Variants in LNX1 observed in about 807,000 individuals in gnomAD.
LNX1 encodes the protein E3 ubiquitin-protein ligase LNX.
Under a neutral mutation model 68.4 loss-of-function variants are expected in LNX1, and 54 were observed. That is an observed-to-expected ratio of 0.79 (90% confidence interval 0.63 to 0.99). The LOEUF (loss-of-function observed/expected upper bound fraction) is 0.99. Among genes scored for constraint, LNX1 ranks in the 50% least tolerant of loss-of-function variants. The pLI, the probability that LNX1 is intolerant of heterozygous loss-of-function variation, is 0.00. For missense variants in LNX1, 906 were observed against 926.4 expected, an observed-to-expected ratio of 0.98 and a Z score of 0.29; for synonymous variants, 336 against 350.0, an observed-to-expected ratio of 0.96 and a Z score of 0.45.
At chr4:53,489,966 T>G (rs541814345) in intron 6 of LNX1, among the ~76,000 whole-genome samples, 1 of 152,264 alleles carries the variant, frequency 6.6e-6, no homozygotes, top group South Asian at 2.1e-4. Context: ...CTTGAATGTT[T>G]ACAGTACCAC....
intron 2 of LNX1, among the ~76,000 whole-genome samples, chr4:53,509,828 G>A (rs988879148): frequency 4.6e-5 from 7 of 152,186 alleles, no homozygotes; most frequent in African/African-American, 9.7e-5. Context: ...TCATGATGCA[G>A]ACGTCACCAT....
intron 1 of LNX1, among the ~76,000 whole-genome samples, chr4:53,649,830 G>A (rs558525720): frequency 6.6e-6 from 1 of 152,250 alleles, no homozygotes; most frequent in Non-Finnish European, 1.5e-5. Flanking sequence ...TTCCCACAGT[G>A]GACTGGGAGT....
At chr4:53,582,785 A>C (rs1310585497) in intron 1 of LNX1, among the ~76,000 whole-genome samples, 2 of 152,066 alleles carry the variant, frequency 1.3e-5, no homozygotes, top group Non-Finnish European at 2.9e-5. Context: ...ATGGTTGCTT[A>C]GTTTCAAACT....
upstream of LNX1, among the ~76,000 whole-genome samples, chr4:53,621,562 T>C (rs758288066): frequency 1.4e-4 from 21 of 152,218 alleles, no homozygotes; most frequent in Non-Finnish European, 2.8e-4. Flanking sequence ...TGCAGTGAAT[T>C]GTACCTAAGG....
At chr4:53,533,401 G>A (rs1197803067) in intron 2 of LNX1, among the ~76,000 whole-genome samples, 1 of 152,146 alleles carries the variant, frequency 6.6e-6, no homozygotes, top group African/African-American at 2.4e-5. Flanking sequence ...GACAATATCT[G>A]GAGACTTTTT....
chr4:53,619,784 T>G (rs571693506), upstream of LNX1, among the ~76,000 whole-genome samples: 1 of 152,314 alleles, frequency 6.6e-6, no homozygotes, highest in Admixed American at 6.5e-5. Flanking sequence ...CGATGAACTG[T>G]CAAACTGTTT....
chr4:53,485,444 G>T (rs1724223667), intron 6 of LNX1, among the ~76,000 whole-genome samples: 1 of 152,218 alleles, frequency 6.6e-6, no homozygotes, highest in Admixed American at 6.5e-5. Flanking sequence ...AAGCCTGCAA[G>T]AACTATTTAA....
At chr4:53,633,799 A>G (rs916338152) in intron 1 of LNX1, among the ~76,000 whole-genome samples, 4 of 152,126 alleles carry the variant, frequency 2.6e-5, no homozygotes, top group Non-Finnish European at 5.9e-5. Context: ...CTAAGATGAG[A>G]GTTTACAGCC....
intron 2 of LNX1, among the ~76,000 whole-genome samples, chr4:53,512,927 G>A (rs575627448): frequency 6.6e-6 from 1 of 152,210 alleles, no homozygotes; most frequent in South Asian, 2.1e-4. Flanking sequence ...GAGCACTCGG[G>A]TGAGTTTGGG....
At chr4:53,578,018 T>C (rs1479362389) in intron 1 of LNX1, among the ~76,000 whole-genome samples, 1 of 152,118 alleles carries the variant, frequency 6.6e-6, no homozygotes, top group Non-Finnish European at 1.5e-5. Flanking sequence ...ACAAATGGCA[T>C]AGGAAACTGA....
At chr4:53,461,391 A>C in intron 10 of LNX1, 44 bp downstream of exon 10, 1 of 1,483,260 alleles carries the variant, frequency 6.7e-7, no homozygotes, top group Non-Finnish European at 9.3e-7. Context: ...GCATTTATGA[A>C]ACAACATTTA....
At chr4:53,574,147 T>G (rs1731343059) in intron 1 of LNX1, 59 bp from the exon 2 acceptor site, 6 of 1,261,352 alleles carry the variant, frequency 4.8e-6, no homozygotes, top group Non-Finnish European at 6.4e-6. Flanking sequence ...CTTATGCTTA[T>G]GGTAGACATG....
chr4:53,461,466 C>T lies in LNX1; in HGVS notation c.2020G>A (p.Gly674Arg). ...CTTCCATCATTGTATGCTGGTGTTCCTTCAACAATGGATTTGATGAAAAAA... is the reference window on the plus strand; with the variant it reads ...CTTCCATCATTGTATGCTGGTGTTCTTTCAACAATGGATTTGATGAAAAAA... ...KPFFIKSIVE[G>R]TPAYNDGRIR... Residue 674 changes from glycine to arginine, a missense_variant, in exon 10 of 11, where the codon GGA (glycine) becomes AGA (arginine). Transcript: ENST00000263925. The T allele has an allele frequency of 1.2e-6, 2 of 1,611,096 alleles. No homozygotes were observed. The highest frequency in any genetic ancestry group is 1.1e-5 in the South Asian group (1 of 90,830).
At chr4:53,577,576 AT>A (rs1731574303) in intron 1 of LNX1, among the ~76,000 whole-genome samples, 1 of 152,082 alleles carries the variant, frequency 6.6e-6, no homozygotes, top group South Asian at 2.1e-4. Context: ...CAGCTCTGCC[AT>A]TACTATTATT....
chr4:53,549,188 C>T (rs1729325833), intron 2 of LNX1, among the ~76,000 whole-genome samples: 3 of 152,126 alleles, frequency 2.0e-5, no homozygotes, highest in Admixed American at 2.0e-4. Flanking sequence ...AAAATAAGTT[C>T]TCCCCTTAAA....
At position 53,460,785 on chromosome 4, in the gene LNX1, T is replaced by C. The variant is rs368922333; in HGVS notation, c.*122A>G. The C allele has an allele frequency of 5.7e-6, 6 of 1,053,864 alleles. No homozygotes were observed. The African/African-American group carries it at 1.0e-4, about 18-fold the overall frequency. 65.3% of individuals were successfully genotyped at this position (1,053,864 alleles called of 1,614,324 possible). A position where few individuals can be genotyped will look rare whatever the true frequency, so the allele number is the denominator to read the frequency against. ...ACTGGCTTTCATTAGATGATCATAC[T>C]TTTCCTGACATTTTTACAATGTATT... On this transcript the variant is annotated 3_prime_UTR_variant, in exon 11 of 11. Coordinates refer to ENST00000263925, the MANE Select transcript of LNX1 (RefSeq NM_001126328.3).
intron 2 of LNX1, among the ~76,000 whole-genome samples, chr4:53,609,943 A>G (rs1733413520): frequency 6.6e-6 from 1 of 151,496 alleles, no homozygotes; most frequent in Non-Finnish European, 1.5e-5. Context: ...GCTCACAACC[A>G]TGTGAGTTAG....
At chr4:53,480,830 G>T (rs116971077) in intron 7 of LNX1, among the ~76,000 whole-genome samples, 1 of 152,086 alleles carries the variant, frequency 6.6e-6, no homozygotes, top group Non-Finnish European at 1.5e-5. Context: ...ATAGATTGAC[G>T]TAGAAAGAAA....
At chr4:53,625,487 T>C (rs1734037575) in intron 1 of LNX1, among the ~76,000 whole-genome samples, 1 of 152,060 alleles carries the variant, frequency 6.6e-6, no homozygotes, top group Non-Finnish European at 1.5e-5. Flanking sequence ...ATTAATAATT[T>C]GGGAAATGTA....
Sources: allele counts gnomAD v4.1 joint callset (sites outside exome capture counted in the v4.1 genomes callset), GRCh38; gene constraint gnomAD v4.1.1; transcripts MANE v1.5; gene names NCBI Gene and HGNC (gene_info 2026-07-23, HGNC 2026-07-21).